RAP1GAP2: variants seen among roughly 807,000 people sequenced by gnomAD.
The protein encoded by RAP1GAP2 is RAP1 GTPase activating protein 2.
A neutral mutation model predicts 95.0 loss-of-function variants in RAP1GAP2; 27 were observed. The observed-to-expected ratio is 0.28, with a 90% CI of 0.21 to 0.39. The LOEUF (loss-of-function observed/expected upper bound fraction) is 0.39, where lower values mean the gene tolerates loss of function less well. RAP1GAP2 is among the 10% of genes least tolerant of loss of function. RAP1GAP2 has a pLI of 1.00. For synonymous variants in RAP1GAP2, 373 were observed against 380.9 expected, an observed-to-expected ratio of 0.98 and a Z score of 0.24; for missense variants, 771 against 970.0, an observed-to-expected ratio of 0.79 and a Z score of 2.72.
At chr17:2,991,523 AG>A in intron 12 of RAP1GAP2, 126 bp downstream of exon 12, 1 of 722,788 alleles carries the variant, frequency 1.4e-6, no homozygotes, top group Admixed American at 2.5e-5. Flanking sequence ...ATGGCTTTTC[AG>A]GGTCTTGTCG....
chr17:2,805,101 A>G (rs1422655681), intron 2 of RAP1GAP2, among the ~76,000 whole-genome samples: 1 of 152,192 alleles, frequency 6.6e-6, no homozygotes, highest in African/African-American at 2.4e-5. Flanking sequence ...TGCCTGGCAC[A>G]AAACAGGTTT....
chr17:2,900,371 A>G (rs937048274), intron 2 of RAP1GAP2, among the ~76,000 whole-genome samples: 1 of 152,018 alleles, frequency 6.6e-6, no homozygotes, highest in Non-Finnish European at 1.5e-5. Flanking sequence ...TATAATCATC[A>G]TCATCATCAT....
Position 2,771,191 on chromosome 17 carries a change from G to T in RAP1GAP2, c.167+746G>T, listed in dbSNP as rs557740124. 2.0e-5 allele frequency among the ~76,000 whole-genome samples: 3 copies of T among 152,202 alleles called. No homozygotes were observed. In the East Asian group the frequency reaches 5.8e-4, roughly 29 times the overall value. ...CAGGTAAATTTGCTGGGCACACTTT[G>T]CTTTGACCTGGAGCCAGCCGTGCCT... On this transcript the variant is annotated intron_variant, in intron 2 of 25. Coordinates refer to the RAP1GAP2 transcript ENST00000637138.
rs1388533084 is a variant in RAP1GAP2 at position 2,857,827 on chromosome 17, C to T, written c.81-47457C>T. Among the ~76,000 whole-genome samples the T allele has an allele frequency of 6.6e-6, 1 of 152,152 alleles. No homozygotes were observed. The highest frequency in any genetic ancestry group is 1.5e-5 in the Non-Finnish European group (1 of 68,034). On this transcript the variant is annotated intron_variant, in intron 2 of 24. Coordinates refer to ENST00000254695, the MANE Select transcript of RAP1GAP2 (RefSeq NM_015085.5). The surrounding 1 kb of genome is among the most constrained non-coding windows in gnomAD (Gnocchi z 4.0). ...AAATATGTACGTTCTTGGCCGGGCG[C>T]GGCAGCTCACGCCTGTAATCCCAGC...
At chr17:2,900,438 A>C (rs565661979) in intron 2 of RAP1GAP2, among the ~76,000 whole-genome samples, 3 of 151,920 alleles carry the variant, frequency 2.0e-5, no homozygotes, top group African/African-American at 7.3e-5. Flanking sequence ...TATTTTTTTA[A>C]ATTAATTAAT....
intron 2 of RAP1GAP2, among the ~76,000 whole-genome samples, chr17:2,824,740 CAAA>C (rs940171590): frequency 7.1e-5 from 4 of 56,664 alleles, no homozygotes; most frequent in Admixed American, 3.9e-4. Context: ...AACTCTGTCT[CAAA>C]AAAAAAAAAA....
chr17:2,801,663 ATCAAG>A (rs1435959017), intron 2 of RAP1GAP2, among the ~76,000 whole-genome samples: 1 of 144,462 alleles, frequency 6.9e-6, no homozygotes, highest in African/African-American at 2.6e-5. Context: ...TCAGCTGCTC[ATCAAG>A]TCATTTGTTG....
chr17:2,885,413 A>G (rs1421683718), intron 2 of RAP1GAP2, among the ~76,000 whole-genome samples: 1 of 152,174 alleles, frequency 6.6e-6, no homozygotes, highest in Non-Finnish European at 1.5e-5. Flanking sequence ...AGAGCCCCTG[A>G]GCACCTCAGT....
chr17:2,934,450 A>G (rs1485736554), intron 3 of RAP1GAP2, among the ~76,000 whole-genome samples: 1 of 152,164 alleles, frequency 6.6e-6, no homozygotes, highest in African/African-American at 2.4e-5. Flanking sequence ...CACTTTCTTG[A>G]ACTCTTCTGG....
At chr17:2,887,205 G>C (rs1164119342) in intron 2 of RAP1GAP2, among the ~76,000 whole-genome samples, 1 of 144,940 alleles carries the variant, frequency 6.9e-6, no homozygotes, top group Non-Finnish European at 1.5e-5. Flanking sequence ...CTACAGGCAT[G>C]CACCAACACG....
At chr17:2,829,598 G>A (rs1409665743) in intron 2 of RAP1GAP2, among the ~76,000 whole-genome samples, 1 of 152,128 alleles carries the variant, frequency 6.6e-6, no homozygotes, top group Non-Finnish European at 1.5e-5. Context: ...AGAGCTCACC[G>A]AAGGGCTTGT....
At chr17:2,854,566 G>A (rs532586227) in intron 2 of RAP1GAP2, among the ~76,000 whole-genome samples, 1 of 152,388 alleles carries the variant, frequency 6.6e-6, no homozygotes, top group East Asian at 1.9e-4. Context: ...TTTGGAGGTT[G>A]TTCGCTCCCC....
chr17:3,011,810 C>T (rs976236405), intron 17 of RAP1GAP2, among the ~76,000 whole-genome samples: 1 of 151,930 alleles, frequency 6.6e-6, no homozygotes, highest in African/African-American at 2.4e-5. Context: ...TTAGTAGGGA[C>T]ACCATCTTGG....
At position 2,902,090 on chromosome 17, in the gene RAP1GAP2, C is replaced by T. The variant is rs142878862; in HGVS notation, c.81-3194C>T. On this transcript the variant is annotated intron_variant, in intron 2 of 24. Transcript: ENST00000254695. This position sits in a 1 kb window ranked among gnomAD's most constrained non-coding sequence, Gnocchi z 4.1. ...CAGGCTCTAGGGAAGAATCCTTCCTCGCCTCTTCTAGCCTCTGGCGGGGTC... is the reference window on the plus strand; with the variant it reads ...CAGGCTCTAGGGAAGAATCCTTCCTTGCCTCTTCTAGCCTCTGGCGGGGTC... Among the ~76,000 whole-genome samples, 964 of 152,330 alleles carry T rather than the reference C, an allele frequency of 6.3e-3. 4 individuals are homozygous for T. The highest frequency in any genetic ancestry group is 0.012 in the South Asian group (58 of 4,828).
intron 2 of RAP1GAP2, among the ~76,000 whole-genome samples, chr17:2,816,389 G>C (rs1260418802): frequency 6.6e-6 from 1 of 151,962 alleles, no homozygotes; most frequent in Non-Finnish European, 1.5e-5. Flanking sequence ...CCAGGCTGAA[G>C]TGCAGTGGCG....
intron 2 of RAP1GAP2, among the ~76,000 whole-genome samples, chr17:2,852,145 C>T (rs1302223436): frequency 6.6e-6 from 1 of 152,154 alleles, no homozygotes; most frequent in East Asian, 1.9e-4. Flanking sequence ...GAGCTCTTCC[C>T]TTTTCTCTAC....
chr17:2,887,053 T>C (rs1263185462), intron 2 of RAP1GAP2, among the ~76,000 whole-genome samples: 1 of 152,096 alleles, frequency 6.6e-6, no homozygotes, highest in East Asian at 1.9e-4. Context: ...TTAGCTGATA[T>C]GATGATGATG....
intron 3 of RAP1GAP2, among the ~76,000 whole-genome samples, chr17:2,955,003 C>T (rs4790383): frequency 0.99 from 150,888 of 152,350 alleles, 74,824 homozygotes; most frequent in Middle Eastern, 1. Flanking sequence ...CGTATGGATA[C>T]AGCACATTTT....
chr17:2,890,404 A>G (rs912235177), intron 2 of RAP1GAP2, among the ~76,000 whole-genome samples: 8 of 152,186 alleles, frequency 5.3e-5, no homozygotes, highest in Non-Finnish European at 8.8e-5. Flanking sequence ...AATCTTATTC[A>G]GAAGAGTTAA....
Sources: gnomAD v4.1 joint callset for allele counts (sites outside exome capture counted in the v4.1 genomes callset) on GRCh38, gnomAD v4.1.1 for gene constraint, Gnocchi (gnomAD v3.1) non-coding constraint, MANE v1.5 for transcripts, NCBI Gene and HGNC (gene_info 2026-07-23, HGNC 2026-07-21) for gene names.